Variants in CNGB3 observed in about 807,000 individuals in gnomAD.
CNGB3 encodes cyclic nucleotide-gated channel beta-3.
Under a neutral mutation model 92.8 loss-of-function variants are expected in CNGB3, and 86 were observed. The ratio of observed to expected loss-of-function variants is 0.93; its 90% CI spans 0.78 to 1.11. The LOEUF is 1.11. Ranked by LOEUF, CNGB3 falls within the 50% of genes least tolerant of loss-of-function variation. CNGB3 has a pLI of 0.00. For missense variants in CNGB3, 1,026 were observed against 956.8 expected (o/e 1.07, Z -0.95); for synonymous variants, 333 against 332.7 (o/e 1.00, Z -0.01).
chr8:86,689,509 ATT>A (rs939617413), intron 3 of CNGB3, among the ~76,000 whole-genome samples: 5 of 143,058 alleles, frequency 3.5e-5, no homozygotes, highest in East Asian at 2.1e-4. Flanking sequence ...ATATATATAT[ATT>A]TTTTTTACTT....
At chr8:86,580,799 A>G (rs1821748537) in intron 15 of CNGB3, among the ~76,000 whole-genome samples, 2 of 152,234 alleles carry the variant, frequency 1.3e-5, no homozygotes, top group Non-Finnish European at 2.9e-5. Context: ...ACACCATAGG[A>G]TCTGCATTGA....
At chr8:86,586,335 TA>T (rs5892987) in intron 15 of CNGB3, among the ~76,000 whole-genome samples, 97,900 of 151,160 alleles carry the variant, frequency 0.65, 34,189 homozygotes, top group Non-Finnish European at 0.78. Flanking sequence ...TATTTTTTTT[TA>T]AATTTTTTTT....
chr8:86,654,641 A>G (rs961643014), intron 6 of CNGB3, among the ~76,000 whole-genome samples: 1 of 152,234 alleles, frequency 6.6e-6, no homozygotes, highest in Non-Finnish European at 1.5e-5. Context: ...GAATAAAGAA[A>G]TGGAGAGATG....
intron 3 of CNGB3, among the ~76,000 whole-genome samples, chr8:86,681,243 T>G (rs755170549): frequency 6.6e-6 from 1 of 152,170 alleles, no homozygotes; most frequent in Non-Finnish European, 1.5e-5. Context: ...GGATAGATTA[T>G]TGCGAAAGGG....
chr8:86,595,670 A>G (rs1822156402), intron 15 of CNGB3, among the ~76,000 whole-genome samples: 1 of 152,162 alleles, frequency 6.6e-6, no homozygotes, highest in Admixed American at 6.5e-5. Flanking sequence ...CTCCTATTGT[A>G]TCTACTATTT....
At position 86,658,691 on chromosome 8, in the gene CNGB3, C is replaced by A; in HGVS notation, c.853-4629G>T. The A allele has an allele frequency of 7.6e-6, 3 of 396,476 alleles. No individual in the cohort carries two copies. In the South Asian group the frequency reaches 8.9e-5, roughly 12 times the overall value. 24.6% of individuals were successfully genotyped at this position (396,476 alleles called of 1,614,324 possible). A position where few individuals can be genotyped will look rare whatever the true frequency, so the allele number is the denominator to read the frequency against. On this transcript the variant is annotated intron_variant, in intron 6 of 17. Coordinates refer to ENST00000320005, the MANE Select transcript of CNGB3 (RefSeq NM_019098.5). ...CCTTCAGCTCACCCAGCTTCTCGCT[C>A]GGCTCTTTCTTGATGTGCTGCTCCG...
intron 3 of CNGB3, among the ~76,000 whole-genome samples, chr8:86,693,316 A>G (rs1824354641): frequency 6.6e-6 from 1 of 152,058 alleles, no homozygotes; most frequent in East Asian, 1.9e-4. Flanking sequence ...AGTCCCTCAT[A>G]TAAGTTTTCC....
chr8:86,737,016 C>T (rs1554619111), intron 2 of CNGB3, among the ~76,000 whole-genome samples: 1 of 152,042 alleles, frequency 6.6e-6, no homozygotes, highest in African/African-American at 2.4e-5. Context: ...TTTTTTCCCC[C>T]TTTCTCCTCG....
chr8:86,673,374 G>T (rs772652312), intron 3 of CNGB3, among the ~76,000 whole-genome samples: 1 of 152,174 alleles, frequency 6.6e-6, no homozygotes, highest in African/African-American at 2.4e-5. Context: ...AAAGAACATG[G>T]CATGTTCAGC....
intron 6 of CNGB3, chr8:86,661,855 C>G: frequency 7.9e-7 from 1 of 1,270,158 alleles, no homozygotes; most frequent in Non-Finnish European, 1.1e-6. Context: ...CGTTCCAGAA[C>G]TGATGTCAGA....
At chr8:86,721,586 T>G (rs1824971531) in intron 3 of CNGB3, among the ~76,000 whole-genome samples, 1 of 152,124 alleles carries the variant, frequency 6.6e-6, no homozygotes, top group African/African-American at 2.4e-5. Context: ...GATGATCTGT[T>G]GTTTAAATTG....
At chr8:86,686,033 C>T (rs1318123213) in intron 3 of CNGB3, among the ~76,000 whole-genome samples, 1 of 151,956 alleles carries the variant, frequency 6.6e-6, no homozygotes, top group Non-Finnish European at 1.5e-5. Context: ...CATGGGAAAA[C>T]ACTTTGAATC....
At chr8:86,638,381 G>A (rs1823114711) in intron 10 of CNGB3, among the ~76,000 whole-genome samples, 1 of 152,018 alleles carries the variant, frequency 6.6e-6, no homozygotes, top group Non-Finnish European at 1.5e-5. Context: ...CCTAACACCT[G>A]GCATTGTCAT....
intron 3 of CNGB3, among the ~76,000 whole-genome samples, chr8:86,681,626 G>A (rs1824083699): frequency 6.6e-6 from 1 of 152,154 alleles, no homozygotes; most frequent in Admixed American, 6.5e-5. Context: ...CACCAGCGGT[G>A]AGTGAAATGA....
rs191921030 is a variant in CNGB3, at chr8:86,601,635, C to T, written c.1781+2458G>A. 9.2e-4 allele frequency among the ~76,000 whole-genome samples: 140 copies of T among 152,112 alleles called. 2 individuals are homozygous for T. Among genetic ancestry groups the T allele is most frequent in the Admixed American group, 1.8e-3 (27 of 15,268 alleles). Reference sequence around the variant, plus strand: ...TGAGTAGTAAACACTATTACTAGATCTTTCCAGTATCTGGATGTTTGGCAG... The same window carrying T: ...TGAGTAGTAAACACTATTACTAGATTTTTCCAGTATCTGGATGTTTGGCAG... On this transcript the variant is annotated intron_variant, in intron 15 of 17. Coordinates refer to ENST00000320005, the MANE Select transcript of CNGB3 (RefSeq NM_019098.5).
intron 7 of CNGB3, among the ~76,000 whole-genome samples, chr8:86,649,175 C>G (rs1823350448): frequency 6.6e-6 from 1 of 151,526 alleles, no homozygotes; most frequent in South Asian, 2.1e-4. Flanking sequence ...ACAGATGACA[C>G]AAACAAATGG....
chr8:86,644,755 A>G (rs1220853289), intron 8 of CNGB3, 69 bp from the exon 9 acceptor site: 118 of 1,017,310 alleles, frequency 1.2e-4, no homozygotes, highest in South Asian at 2.7e-5. Flanking sequence ...ATAAAACTAT[A>G]TGAAATAGAT....
intron 3 of CNGB3, among the ~76,000 whole-genome samples, chr8:86,718,954 T>C (rs1365072326): frequency 6.6e-6 from 1 of 151,974 alleles, no homozygotes. Flanking sequence ...AAAAACCATT[T>C]GACAAAAATC....
chr8:86,632,650 A>T, intron 11 of CNGB3, 102 bp downstream of exon 11: 1 of 1,232,490 alleles, frequency 8.1e-7, no homozygotes, highest in South Asian at 1.3e-5. Context: ...CAAAAAAAGA[A>T]GAACCAGACA....
Sources: allele counts gnomAD v4.1 joint callset (sites outside exome capture counted in the v4.1 genomes callset), GRCh38; gene constraint gnomAD v4.1.1; transcripts MANE v1.5; gene names NCBI Gene and HGNC (gene_info 2026-07-23, HGNC 2026-07-21).